Variants in KIAA0586 observed in about 807,000 individuals in gnomAD.
KIAA0586 encodes the protein KIAA0586.
KIAA0586 carries 144 observed loss-of-function variants against 169.8 expected under a neutral mutation model. The observed-to-expected ratio is 0.85, with a 90% confidence interval of 0.74 to 0.97. The LOEUF (loss-of-function observed/expected upper bound fraction) is 0.97. KIAA0586 is among the 50% of genes least tolerant of loss of function. The probability of loss-of-function intolerance (pLI) is 0.00; values close to 1 mark genes in which losing one functional copy is unlikely to be tolerated. For missense variants in KIAA0586, 1,854 were observed against 1,823.0 expected (o/e 1.02, Z -0.31); for synonymous variants, 625 against 612.4 (o/e 1.02, Z -0.30).
At chr14:58,512,842 T>A (rs972993115) in intron 29 of KIAA0586, among the ~76,000 whole-genome samples, 1 of 152,106 alleles carries the variant, frequency 6.6e-6, no homozygotes, top group Non-Finnish European at 1.5e-5. Flanking sequence ...GTGGATTTTT[T>A]AAACTCTTAG....
chr14:58,457,308 A>G (rs1416313883), intron 10 of KIAA0586, among the ~76,000 whole-genome samples: 1 of 151,920 alleles, frequency 6.6e-6, no homozygotes, highest in Admixed American at 6.6e-5. Flanking sequence ...TTGCTCTGTC[A>G]CCCAGGCTGG....
At chr14:58,497,248 C>T (rs1166434801) in intron 26 of KIAA0586, among the ~76,000 whole-genome samples, 1 of 152,086 alleles carries the variant, frequency 6.6e-6, no homozygotes, top group African/African-American at 2.4e-5. Flanking sequence ...GCTGAGATTA[C>T]AGGCGTGACC....
intron 20 of KIAA0586, 132 bp from the exon 21 acceptor site, chr14:58,482,381 A>G (rs867492301): frequency 1.6e-4 from 96 of 613,410 alleles, no homozygotes; most frequent in Middle Eastern, 9.6e-4. Flanking sequence ...AGCCAAGATC[A>G]CATCATTGCA....
chr14:58,547,714 C>A, intron 30 of KIAA0586, 67 bp from the exon 31 acceptor site: 1 of 1,412,542 alleles, frequency 7.1e-7, no homozygotes, highest in Admixed American at 1.9e-5. Flanking sequence ...TATTATTTCG[C>A]AAAGCATAAA....
chr14:58,432,493 CT>C, intron 4 of KIAA0586, 36 bp downstream of exon 4: 1 of 1,146,658 alleles, frequency 8.7e-7, no homozygotes, highest in Admixed American at 2.4e-5. Flanking sequence ...TGGACCATTT[CT>C]TATGTAAATC....
At chr14:58,452,839 GT>G (rs2039508797) in intron 8 of KIAA0586, among the ~76,000 whole-genome samples, 2 of 149,052 alleles carry the variant, frequency 1.3e-5, no homozygotes, top group South Asian at 4.3e-4. Context: ...TTGTGGTATA[GT>G]TTTTATGAGG....
At chr14:58,562,040 T>G in the KIAA0586 span, among the ~76,000 whole-genome samples, 63 of 152,338 alleles carry the variant, frequency 4.1e-4, no homozygotes, top group Non-Finnish European at 7.1e-4. Flanking sequence ...CATCTTCACA[T>G]GAGAAAGCAT....
chr14:58,511,292 A>G (rs889219815), intron 28 of KIAA0586, among the ~76,000 whole-genome samples: 2 of 152,222 alleles, frequency 1.3e-5, no homozygotes, highest in Non-Finnish European at 2.9e-5. Flanking sequence ...GGTTAGTAAT[A>G]ATAGCACACA....
At position 58,467,724 on chromosome 14, in the gene KIAA0586, A is replaced by G. The variant is rs752712583; in HGVS notation, c.2255-11A>G. On this transcript the variant is annotated splice_polypyrimidine_tract_variant and intron_variant, in intron 15 of 30. Coordinates refer to ENST00000652326, the MANE Select transcript of KIAA0586 (RefSeq NM_001329943.3). Reference sequence around the variant, plus strand: ...AACTAGTTGACTTATTTTTTCTCCTAAACTTCTTAGGACAAACCCAAAGTA... The same window carrying G: ...AACTAGTTGACTTATTTTTTCTCCTGAACTTCTTAGGACAAACCCAAAGTA... 3.8e-6 allele frequency: 6 copies of G among 1,582,828 alleles called. No individual in the cohort carries two copies. Among genetic ancestry groups the G allele is most frequent in the Admixed American group, 3.7e-5 (2 of 53,420 alleles).
chr14:58,499,098 A>G, intron 27 of KIAA0586, 138 bp downstream of exon 27: 1 of 731,072 alleles, frequency 1.4e-6, no homozygotes, highest in Middle Eastern at 3.9e-4. Flanking sequence ...AAGTTTGGTG[A>G]TAACTTTTTT....
At chr14:58,493,862 G>T (rs2042982197) in intron 26 of KIAA0586, among the ~76,000 whole-genome samples, 1 of 152,038 alleles carries the variant, frequency 6.6e-6, no homozygotes, top group South Asian at 2.1e-4. Flanking sequence ...AAGCGCATGT[G>T]CGGGTGGAAA....
At chr14:58,467,974 C>T in intron 16 of KIAA0586, 52 bp downstream of exon 16, 1 of 1,289,414 alleles carries the variant, frequency 7.8e-7, no homozygotes, top group Non-Finnish European at 1.1e-6. Flanking sequence ...AATTTTTTTG[C>T]TTAACGTTAG....
rs750671663 is a variant in KIAA0586 at position 58,465,939 on chromosome 14, G to A, written c.2164G>A (p.Asp722Asn). The change falls in exon 15 of 31, where the codon GAT (aspartate) becomes AAT (asparagine). Residue 722 changes from aspartate (D) to asparagine (N), a missense_variant. Physicochemically the swap from Asp to Asn is conservative, Grantham distance 23. Coordinates refer to ENST00000652326, the MANE Select transcript of KIAA0586 (RefSeq NM_001329943.3). ...KHSVPVLPHGDQQYLFSPSRE... is the reference protein window; with the variant it reads ...KHSVPVLPHGNQQYLFSPSRE... ...TTCTGTTCCTGTGTTACCTCATGGC[G>A]ATCAGCAATATTTGTTCAGCCCAAG... 3.9e-5 allele frequency: 63 copies of A among 1,612,722 alleles called. 1 individual carries two copies. Among genetic ancestry groups the A allele is most frequent in the South Asian group, 7.7e-5 (7 of 90,976 alleles).
At chr14:58,478,034 C>T (rs1214355301) in intron 20 of KIAA0586, among the ~76,000 whole-genome samples, 1 of 152,062 alleles carries the variant, frequency 6.6e-6, no homozygotes, top group Non-Finnish European at 1.5e-5. Flanking sequence ...TTAATTAGAG[C>T]CAGGGTCTCC....
intron 30 of KIAA0586, among the ~76,000 whole-genome samples, chr14:58,546,232 C>T (rs1439331768): frequency 6.6e-6 from 1 of 152,010 alleles, no homozygotes; most frequent in Non-Finnish European, 1.5e-5. Flanking sequence ...ATCTTATCTT[C>T]CTCTCTCTTT....
intron 14 of KIAA0586, chr14:58,464,025 C>A: frequency 2.2e-6 from 1 of 449,054 alleles, no homozygotes. Context: ...AAATTTCAGA[C>A]TATGACCAGA....
intron 27 of KIAA0586, among the ~76,000 whole-genome samples, chr14:58,508,226 T>A (rs2044139196): frequency 6.6e-6 from 1 of 152,228 alleles, no homozygotes; most frequent in Admixed American, 6.5e-5. Context: ...AGTATTCTAT[T>A]GACTCTTAGA....
At chr14:58,443,208 T>C (rs1363205685) in intron 5 of KIAA0586, among the ~76,000 whole-genome samples, 1 of 152,230 alleles carries the variant, frequency 6.6e-6, no homozygotes, top group Non-Finnish European at 1.5e-5. Context: ...AGATAATCTA[T>C]GCCTTAGCTG....
At chr14:58,437,880 T>C (rs975542067) in intron 4 of KIAA0586, among the ~76,000 whole-genome samples, 3 of 152,110 alleles carry the variant, frequency 2.0e-5, no homozygotes, top group African/African-American at 7.2e-5. Context: ...CTGGATGCAT[T>C]CTGAGAAAAC....
Sources: gnomAD v4.1 joint callset for allele counts (sites outside exome capture counted in the v4.1 genomes callset) on GRCh38, gnomAD v4.1.1 for gene constraint, MANE v1.5 for transcripts, NCBI Gene and HGNC (gene_info 2026-07-23, HGNC 2026-07-21) for gene names.